ZBBX: variants seen among roughly 807,000 people sequenced by gnomAD.
The protein encoded by ZBBX is zinc finger B-box domain-containing protein 1.
A neutral mutation model predicts 108.5 loss-of-function variants in ZBBX; 101 were observed. The observed-to-expected ratio is 0.93, with a 90% CI of 0.79 to 1.10. ZBBX has a LOEUF of 1.10. ZBBX is among the 50% of genes least tolerant of loss of function. The probability of loss-of-function intolerance (pLI) is 0.00; values close to 1 mark genes in which losing one functional copy is unlikely to be tolerated. For synonymous variants in ZBBX, 356 were observed against 323.4 expected (o/e 1.10, Z -1.08); for missense variants, 1,009 against 941.4 (o/e 1.07, Z -0.94).
chr3:167,275,701 GA>G (rs1340883790), intron 20 of ZBBX, among the ~76,000 whole-genome samples: 1 of 152,198 alleles, frequency 6.6e-6, no homozygotes, highest in Non-Finnish European at 1.5e-5. Flanking sequence ...GAGGCTGGGG[GA>G]GGGGTGCCCG....
the ZBBX span, among the ~76,000 whole-genome samples, chr3:167,190,754 C>T: frequency 6.6e-6 from 1 of 152,182 alleles, no homozygotes; most frequent in African/African-American, 2.4e-5. Flanking sequence ...TCCTCTGATG[C>T]AGGACCATTC....
At chr3:167,371,343 A>G (rs1172391224) in intron 4 of ZBBX, among the ~76,000 whole-genome samples, 3 of 152,174 alleles carry the variant, frequency 2.0e-5, no homozygotes, top group Non-Finnish European at 4.4e-5. Flanking sequence ...GTGTCTTTGC[A>G]TAAGTTTCAC....
At chr3:167,377,026 A>C (rs1238053023) in intron 2 of ZBBX, among the ~76,000 whole-genome samples, 1 of 152,206 alleles carries the variant, frequency 6.6e-6, no homozygotes, top group Admixed American at 6.5e-5. Context: ...TTGGTCATTC[A>C]GTTTTTTTTA....
intron 1 of ZBBX, among the ~76,000 whole-genome samples, chr3:167,390,811 C>A (rs906282514): frequency 6.6e-6 from 1 of 152,172 alleles, no homozygotes; most frequent in Admixed American, 6.5e-5. Flanking sequence ...TTATAGAATG[C>A]TTGTGATTTT....
At chr3:167,218,598 T>C in the ZBBX span, among the ~76,000 whole-genome samples, 2 of 151,944 alleles carry the variant, frequency 1.3e-5, no homozygotes, top group Non-Finnish European at 2.9e-5. Flanking sequence ...GCAAGCCTCT[T>C]GGTAACCTCA....
Position 167,317,026 on chromosome 3 carries a change from T to C in ZBBX, c.1173A>G (p.Leu391=), listed in dbSNP as rs13068132. 637,880 of 1,603,082 alleles carry C rather than the reference T, an allele frequency of 0.4. 130,284 individuals carry two copies. The highest frequency in any genetic ancestry group is 0.42 in the Non-Finnish European group (486,835 of 1,172,590). ...TLNIERPEPS[L]KIVELDDTYE... ...TTACATCATCCAGTTCGACTATCTTTAGAGATGGTTCAGGTCTCTCTATGT... is the reference window on the plus strand; with the variant it reads ...TTACATCATCCAGTTCGACTATCTTCAGAGATGGTTCAGGTCTCTCTATGT... Residue 391 remains leucine (L), a synonymous_variant, in exon 14 of 22, where the codon CTA becomes CTG. Transcript: ENST00000675490.
intron 8 of ZBBX, among the ~76,000 whole-genome samples, chr3:167,352,466 G>A (rs143283262): frequency 6.6e-6 from 1 of 152,118 alleles, no homozygotes; most frequent in African/African-American, 2.4e-5. Flanking sequence ...ACCAATATGA[G>A]TAGTGACGTT....
Position 167,298,430 on chromosome 3 carries a change from T to C in ZBBX, c.1754A>G (p.Lys585Arg). The stretch of plus-strand genomic sequence containing the variant: ...TCCTTGATATTGTTTTGTTATAGGC[T>C]TACTTCTGCAGGCTATTTCTTGTAA... ...LLLQEIACRS[K>R]PITKQYQGLE... Residue 585 changes from lysine (K) to arginine (R), a missense_variant, in exon 18 of 22, where the codon AAG becomes AGG. Physicochemically the swap from Lys to Arg is conservative, Grantham distance 26 (BLOSUM62 2). Coordinates refer to ENST00000675490, the MANE Select transcript of ZBBX (RefSeq NM_001199201.2). 6.5e-7 allele frequency: 1 copy of C among 1,528,970 alleles called. No homozygotes were observed. The highest frequency in any genetic ancestry group is 1.3e-5 in the South Asian group (1 of 76,164). The allele number at this position is 1,528,970 out of a possible 1,614,324, so 94.7% of individuals were successfully genotyped here.
intron 17 of ZBBX, among the ~76,000 whole-genome samples, chr3:167,302,162 T>C (rs891351674): frequency 6.6e-6 from 1 of 152,128 alleles, no homozygotes; most frequent in East Asian, 1.9e-4. Context: ...CATGTGTTCT[T>C]ACAAAGAACA....
intron 19 of ZBBX, among the ~76,000 whole-genome samples, chr3:167,287,018 A>G (rs1342361617): frequency 6.6e-6 from 1 of 151,984 alleles, no homozygotes; most frequent in African/African-American, 2.4e-5. Context: ...AAATATTATA[A>G]CTTTTTAAAG....
chr3:167,218,889 T>C, the ZBBX span, among the ~76,000 whole-genome samples: 1 of 152,046 alleles, frequency 6.6e-6, no homozygotes, highest in African/African-American at 2.4e-5. Flanking sequence ...AGAAACACAC[T>C]TCCTCTGTAA....
chr3:167,321,271 G>A (rs946971502), intron 12 of ZBBX, among the ~76,000 whole-genome samples: 2 of 151,888 alleles, frequency 1.3e-5, no homozygotes, highest in African/African-American at 4.8e-5. Flanking sequence ...GAGGCTTCAC[G>A]GGAAACATGA....
the ZBBX span, among the ~76,000 whole-genome samples, chr3:167,216,898 C>T: frequency 6.6e-6 from 1 of 152,154 alleles, no homozygotes; most frequent in African/African-American, 2.4e-5. Flanking sequence ...ATAAATGGTG[C>T]TGGGATAACT....
intron 20 of ZBBX, among the ~76,000 whole-genome samples, chr3:167,244,304 AC>A (rs1299158116): frequency 6.6e-6 from 1 of 152,202 alleles, no homozygotes; most frequent in African/African-American, 2.4e-5. Flanking sequence ...AGGCACCTTT[AC>A]ATGTCCTAAT....
At chr3:167,358,286 G>A (rs921051493) in intron 8 of ZBBX, among the ~76,000 whole-genome samples, 4 of 151,712 alleles carry the variant, frequency 2.6e-5, no homozygotes, top group Non-Finnish European at 4.4e-5. Flanking sequence ...TAACTAAAAG[G>A]CAAATAGTGT....
chr3:167,322,049 A>G, intron 12 of ZBBX, 68 bp downstream of exon 12: 2 of 941,354 alleles, frequency 2.1e-6, no homozygotes, highest in Non-Finnish European at 1.5e-6. Flanking sequence ...ATAGGAAGGC[A>G]TGTCATACAA....
At chr3:167,331,240 T>C (rs752018702) in intron 10 of ZBBX, among the ~76,000 whole-genome samples, 5 of 151,932 alleles carry the variant, frequency 3.3e-5, no homozygotes, top group Non-Finnish European at 2.9e-5. Flanking sequence ...CTACAGAAAA[T>C]AACTGCCTTT....
Position 167,275,918 on chromosome 3 carries a change from A to G in ZBBX, c.2254+6320T>C, listed in dbSNP as rs1041197638. 2.0e-3 allele frequency among the ~76,000 whole-genome samples: 304 copies of G among 152,260 alleles called. 1 individual carries two copies. The highest frequency in any genetic ancestry group is 7.0e-3 in the African/African-American group (289 of 41,546). ...AAGAGAGCAGTGGTTCTCCCAGCAC[A>G]CAGCTGGAGATCTGAGAACGGGCAG... On this transcript the variant is annotated intron_variant, in intron 20 of 21. Transcript: ENST00000675490.
chr3:167,361,963 A>T (rs1358961797), intron 6 of ZBBX, among the ~76,000 whole-genome samples: 5 of 152,146 alleles, frequency 3.3e-5, no homozygotes, highest in Non-Finnish European at 7.3e-5. Context: ...CTCTATGAAT[A>T]CAGCCATATT....
Sources: allele counts gnomAD v4.1 joint callset (sites outside exome capture counted in the v4.1 genomes callset), GRCh38; gene constraint gnomAD v4.1.1; transcripts MANE v1.5; gene names NCBI Gene and HGNC (gene_info 2026-07-23, HGNC 2026-07-21).